YBX3: variants seen among roughly 807,000 people sequenced by gnomAD.
YBX3 encodes the protein Y-box-binding protein 3.
YBX3 carries 29 observed loss-of-function variants against 42.4 expected under a neutral mutation model. The observed-to-expected ratio is 0.68, with a 90% CI of 0.51 to 0.93. YBX3 has a LOEUF of 0.93. Among genes scored for constraint, YBX3 ranks in the 40% least tolerant of loss-of-function variants. The pLI is 0.00. For missense variants in YBX3, 517 were observed against 527.5 expected (o/e 0.98, Z 0.19); for synonymous variants, 195 against 189.8 (o/e 1.03, Z -0.22).
In YBX3 at chr12:10,704,393, G is replaced by A. The variant is rs1032320932; in HGVS notation, c.781-245C>T. On this transcript the variant is annotated intron_variant, in intron 6 of 9. Transcript: ENST00000228251. ...TCCCAGAGCACCTAACTTTATTTTC[G>A]CCTATCAATTTAACATTTTGAAATC... is the stretch of plus-strand genomic sequence containing the variant. 2.5e-5 allele frequency: 9 copies of A among 354,528 alleles called. No homozygotes were observed. In the Middle Eastern group the frequency reaches 2.2e-3, roughly 85 times the overall value. The allele number at this position is 354,528 out of a possible 1,614,324, so 22.0% of individuals were successfully genotyped here.
At chr12:10,703,491 T>C in intron 7 of YBX3, 1 of 361,212 alleles carries the variant, frequency 2.8e-6, no homozygotes. Flanking sequence ...CTTTATCAGG[T>C]ACCACACTAA....
intron 4 of YBX3, among the ~76,000 whole-genome samples, chr12:10,714,314 C>T (rs1253470765): frequency 6.6e-6 from 1 of 152,178 alleles, no homozygotes; most frequent in Non-Finnish European, 1.5e-5. Flanking sequence ...GTTAACCTCT[C>T]ATCCAGTTAA....
intron 1 of YBX3, among the ~76,000 whole-genome samples, chr12:10,721,344 T>A (rs1948322526): frequency 6.6e-6 from 1 of 152,244 alleles, no homozygotes. Context: ...TAGTATCTGC[T>A]TTCCCAATCT....
intron 1 of YBX3, chr12:10,721,926 C>A (rs1247873678): frequency 6.6e-6 from 1 of 152,244 alleles, no homozygotes; most frequent in Non-Finnish European, 1.5e-5. Context: ...ACGAAAAGAA[C>A]GCTTGTTATG....
rs761113973 is a variant in YBX3, at chr12:10,718,047, T to G, written c.360+41A>C. 3.8e-6 allele frequency: 6 copies of G among 1,558,886 alleles called. No homozygotes were observed. The East Asian group carries it at 1.1e-4, about 29-fold the overall frequency. On this transcript the variant is annotated intron_variant, in intron 3 of 9. Coordinates refer to ENST00000228251, the MANE Select transcript of YBX3 (RefSeq NM_003651.5). Reference sequence around the variant, plus strand: ...AGGGCTGACAGAAGATTACACACCCTCTCCTCACATAGCAAATGTAGTATT... The same window carrying G: ...AGGGCTGACAGAAGATTACACACCCGCTCCTCACATAGCAAATGTAGTATT...
At chr12:10,722,615 T>C (rs1489752748) in intron 1 of YBX3, among the ~76,000 whole-genome samples, 1 of 152,198 alleles carries the variant, frequency 6.6e-6, no homozygotes, top group African/African-American at 2.4e-5. Context: ...AGAAGGGAGA[T>C]GCACACGGCC....
Position 10,722,902 on chromosome 12 carries a change from G to C in YBX3, c.210C>G (p.Ala70=), listed in dbSNP as rs779309844. ...AAPAATGTAA[A]ASLATAAGSE... ...TGCCGGCGGCGGTGGCTAAAGAGGC[G>C]GCGGCCGCGGTGCCCGTGGCTGCGG... Residue 70 remains alanine, a synonymous_variant, in exon 1 of 10, where the codon GCC becomes GCG. Transcript: ENST00000228251. 6.9e-7 allele frequency: 1 copy of C among 1,443,214 alleles called. No individual in the cohort carries two copies. Among genetic ancestry groups the C allele is most frequent in the Non-Finnish European group, 9.1e-7 (1 of 1,097,974 alleles). The allele number at this position is 1,443,214 out of a possible 1,614,324, so 89.4% of individuals were successfully genotyped here. A position where few individuals can be genotyped will look rare whatever the true frequency, so the allele number is the denominator to read the frequency against.
intron 6 of YBX3, among the ~76,000 whole-genome samples, chr12:10,707,540 C>G (rs1252810742): frequency 6.6e-6 from 1 of 152,190 alleles, no homozygotes; most frequent in Admixed American, 6.5e-5. Context: ...TAATACAACC[C>G]ATGTTCATTT....
chr12:10,706,729 C>A (rs1046213328), intron 6 of YBX3, among the ~76,000 whole-genome samples: 65 of 152,188 alleles, frequency 4.3e-4, no homozygotes, highest in African/African-American at 1.5e-3. Context: ...TTTTATAACT[C>A]CAAATCAGCC....
intron 2 of YBX3, 105 bp downstream of exon 2, chr12:10,718,975 C>G: frequency 9.6e-7 from 1 of 1,040,448 alleles, no homozygotes; most frequent in Admixed American, 2.4e-5. Context: ...GCTTAGAAAC[C>G]TAAAAAATTT....
In YBX3 at chr12:10,699,214, T is replaced by TC. The variant is rs1370551773; in HGVS notation, c.*474_*475insG. ...AGAAATAAATAAGAAGGACATAAATTTTTTTTTTTTTTAAATCATGACACT... is the reference window on the plus strand; with the variant it reads ...AGAAATAAATAAGAAGGACATAAATTCTTTTTTTTTTTTAAATCATGACACT... On this transcript the variant is annotated 3_prime_UTR_variant, in exon 10 of 10. Coordinates refer to ENST00000228251, the MANE Select transcript of YBX3 (RefSeq NM_003651.5). 1 of 148,906 alleles carries TC rather than the reference T, an allele frequency of 6.7e-6. No homozygotes were observed. Among genetic ancestry groups the TC allele is most frequent in the Non-Finnish European group, 1.5e-5 (1 of 66,710 alleles). 9.2% of individuals were successfully genotyped at this position (148,906 alleles called of 1,614,324 possible).
intron 9 of YBX3, among the ~76,000 whole-genome samples, 186 bp downstream of exon 9, chr12:10,701,068 T>C (rs1051178734): frequency 1.3e-5 from 2 of 152,184 alleles, no homozygotes; most frequent in Non-Finnish European, 2.9e-5. Context: ...CCAAAGCTTA[T>C]CAAAATGAGG....
At chr12:10,721,973 TCCACTGCCCCC>T (rs1212650365) in intron 1 of YBX3, 2 of 152,318 alleles carry the variant, frequency 1.3e-5, no homozygotes, top group Non-Finnish European at 2.9e-5. Context: ...ACCCTTTCCA[TCCACTGCCCCC>T]CCAAATCTCA....
intron 5 of YBX3, chr12:10,711,382 C>G (rs1221201443): frequency 6.6e-6 from 1 of 152,104 alleles, no homozygotes; most frequent in Non-Finnish European, 1.5e-5. Context: ...AACAAGTCCA[C>G]ATGTGCAACC....
Position 10,709,832 on chromosome 12 carries a change from G to C in YBX3, c.780+76C>G, listed in dbSNP as rs905234548. ...AAGGTTTCTGGCAGCTGATGTTGGA[G>C]GAGGAGGAGGAAGAGGAGGCAGAGA... On this transcript the variant is annotated intron_variant, in intron 6 of 9. Coordinates refer to ENST00000228251, the MANE Select transcript of YBX3 (RefSeq NM_003651.5). The C allele has an allele frequency of 3.4e-5, 52 of 1,546,736 alleles. No individual in the cohort carries two copies. In the African/African-American group the frequency reaches 6.9e-4, roughly 21 times the overall value.
intron 5 of YBX3, 180 bp from the exon 6 acceptor site, chr12:10,710,294 T>A (rs1948186016): frequency 6.7e-7 from 1 of 1,488,826 alleles, no homozygotes; most frequent in Admixed American, 2.2e-5. Context: ...TAAACTACAT[T>A]AAGATTAGAG....
Position 10,702,075 on chromosome 12 carries a change from TTTTC to T in YBX3, c.934_937del (p.Glu312IlefsTer75), listed in dbSNP as rs768068227. On this transcript the variant is annotated frameshift_variant, in exon 8 of 10. Coordinates refer to ENST00000228251, the MANE Select transcript of YBX3 (RefSeq NM_003651.5). LOFTEE classifies it high-confidence loss of function. ...GTTTGGACCACTGGTGGCTTGCTGATTTTCTTTATCTTCAGCCTCTCCAACTGCT... is the reference window on the plus strand; with the variant it reads ...GTTTGGACCACTGGTGGCTTGCTGATTTTATCTTCAGCCTCTCCAACTGCT... The T allele has an allele frequency of 2.5e-6, 4 of 1,614,148 alleles. No homozygotes were observed. The highest frequency in any genetic ancestry group is 3.3e-5 in the Admixed American group (2 of 60,030).
chr12:10,704,918 C>A (rs1948120811), intron 6 of YBX3, among the ~76,000 whole-genome samples: 1 of 152,130 alleles, frequency 6.6e-6, no homozygotes, highest in African/African-American at 2.4e-5. Context: ...TGAAATAGCA[C>A]CCATCCTTTT....
intron 1 of YBX3, among the ~76,000 whole-genome samples, chr12:10,720,315 T>TG (rs1317227788): frequency 2.0e-5 from 3 of 152,220 alleles, no homozygotes; most frequent in Non-Finnish European, 4.4e-5. Context: ...TTTGCTAGAC[T>TG]GATACACTTG....
Sources: gnomAD v4.1 joint callset for allele counts (sites outside exome capture counted in the v4.1 genomes callset) on GRCh38, gnomAD v4.1.1 for gene constraint, MANE v1.5 for transcripts, NCBI Gene and HGNC (gene_info 2026-07-23, HGNC 2026-07-21) for gene names.